The following ZMYND8 variants were observed in gnomAD, a reference collection of about 807,000 sequenced individuals.
The protein encoded by ZMYND8 is zinc finger MYND-type containing 8.
ZMYND8 carries 37 observed loss-of-function variants against 140.8 expected under a neutral mutation model. That is an observed-to-expected ratio of 0.26 (90% CI 0.20 to 0.35). ZMYND8 has a LOEUF of 0.35. Among genes scored for constraint, ZMYND8 ranks in the 10% least tolerant of loss-of-function variants. ZMYND8 has a pLI of 1.00. For synonymous variants in ZMYND8, 592 were observed against 597.1 expected (o/e 0.99, Z 0.12); for missense variants, 1,068 against 1,570.0 (o/e 0.68, Z 5.40).
At chr20:47,297,977 A>G (rs1286493984) in intron 4 of ZMYND8, among the ~76,000 whole-genome samples, 1 of 152,162 alleles carries the variant, frequency 6.6e-6, no homozygotes, top group Non-Finnish European at 1.5e-5. Context: ...GTTGTCCCCC[A>G]AATGGCTGCA....
In ZMYND8 at chr20:47,270,797, G is replaced by T. The variant is rs574459081; in HGVS notation, c.1480+5517C>A. On this transcript the variant is annotated intron_variant, in intron 11 of 22. Coordinates refer to ENST00000471951, the MANE Select transcript of ZMYND8 (RefSeq NM_001281775.3). Reference sequence around the variant, plus strand: ...GGTTCTCTTGAAAAAACAGAAATCGGCCGGGTGCAGTGTCTCACGCCTGTA... The same window carrying T: ...GGTTCTCTTGAAAAAACAGAAATCGTCCGGGTGCAGTGTCTCACGCCTGTA... Among the ~76,000 whole-genome samples, 9 of 151,804 alleles carry T rather than the reference G, an allele frequency of 5.9e-5. No homozygotes were observed. In the South Asian group the frequency reaches 8.3e-4, roughly 14 times the overall value.
At position 47,312,241 on chromosome 20, in the gene ZMYND8, G is replaced by A. The variant is rs565377217; in HGVS notation, c.86-2037C>T. ...ATTAACAGCATCCAACGTGGTCCAC[G>A]CAAGGCCTCCTAGTGGTTGACTTTC... On this transcript the variant is annotated intron_variant, in intron 2 of 22. Coordinates refer to ENST00000471951, the MANE Select transcript of ZMYND8 (RefSeq NM_001281775.3). 3.9e-4 allele frequency among the ~76,000 whole-genome samples: 60 copies of A among 152,316 alleles called. 2 individuals are homozygous for A. The South Asian group carries it at 0.012, about 30-fold the overall frequency.
intron 12 of ZMYND8, among the ~76,000 whole-genome samples, chr20:47,253,515 C>T (rs1371461445): frequency 7.4e-6 from 1 of 136,048 alleles, no homozygotes; most frequent in East Asian, 2.3e-4. Context: ...CCAGCCTGGG[C>T]AACAGAATGA....
intron 11 of ZMYND8, among the ~76,000 whole-genome samples, chr20:47,275,222 T>G (rs2076185215): frequency 6.6e-6 from 1 of 152,238 alleles, no homozygotes; most frequent in East Asian, 1.9e-4. Flanking sequence ...CCAGGCCCAG[T>G]GGCTCACACC....
intron 11 of ZMYND8, among the ~76,000 whole-genome samples, chr20:47,268,803 C>T (rs1169096304): frequency 6.6e-6 from 1 of 150,990 alleles, no homozygotes; most frequent in East Asian, 2.0e-4. Context: ...CAATGACAAC[C>T]AGATAAAACC....
At chr20:47,256,096 T>G (rs2147456758) in intron 12 of ZMYND8, among the ~76,000 whole-genome samples, 1 of 151,684 alleles carries the variant, frequency 6.6e-6, no homozygotes, top group Non-Finnish European at 1.5e-5. Flanking sequence ...GACAGATTTT[T>G]GTTCTAAAGC....
chr20:47,243,136 T>C (rs1042793029), intron 14 of ZMYND8, among the ~76,000 whole-genome samples: 7 of 152,242 alleles, frequency 4.6e-5, no homozygotes, highest in Non-Finnish European at 1.0e-4. Context: ...AAAAGCTGTT[T>C]TGCCATCTGA....
rs71183243 is a variant in ZMYND8, at chr20:47,356,333, GAAAA to G, written c.14+320_14+323del. ...GGGGAAGAGAGAGGGAAGAGGGAAAGAAAAAAAAAAAAAGAAGGAAAAAAAAAAG... is the reference window on the plus strand; with the variant it reads ...GGGGAAGAGAGAGGGAAGAGGGAAAGAAAAAAAAAGAAGGAAAAAAAAAAG... On this transcript the variant is annotated intron_variant, in intron 1 of 22. Transcript: ENST00000471951. 5.3e-5 allele frequency: 56 copies of G among 1,048,856 alleles called. No individual in the cohort carries two copies. In the Admixed American group the frequency reaches 1.4e-3, roughly 26 times the overall value. The allele number at this position is 1,048,856 out of a possible 1,614,324, so 65.0% of individuals were successfully genotyped here.
Position 47,262,354 on chromosome 20 carries a change from A to G in ZMYND8, c.1555T>C (p.Ser519Pro). Reference protein sequence around the residue: ...GSPKPFSPQLSAPITTKTDKT... With the variant: ...GSPKPFSPQLPAPITTKTDKT... ...TCCGTTTTCGTCGTGATAGGAGCTG[A>G]CAGTTGAGGAGAGAAGGGCTTTGGG... Residue 519 changes from serine to proline, a missense_variant, in exon 12 of 23, where the codon TCA becomes CCA. Transcript: ENST00000471951. 6.2e-7 allele frequency: 1 copy of G among 1,613,978 alleles called. No individual in the cohort carries two copies. Among genetic ancestry groups the G allele is most frequent in the Non-Finnish European group, 8.5e-7 (1 of 1,180,012 alleles).
At chr20:47,300,618 A>AG in intron 3 of ZMYND8, among the ~76,000 whole-genome samples, 1 of 152,336 alleles carries the variant, frequency 6.6e-6, no homozygotes, top group East Asian at 1.9e-4. Flanking sequence ...ATATACTTTA[A>AG]CACGACTTTT....
chr20:47,342,789 G>A (rs1213177199), intron 2 of ZMYND8, among the ~76,000 whole-genome samples: 2 of 149,378 alleles, frequency 1.3e-5, no homozygotes, highest in Admixed American at 6.7e-5. Flanking sequence ...GGAAGTCACA[G>A]TAAGCTGAGA....
chr20:47,238,597 T>G, intron 15 of ZMYND8, 161 bp downstream of exon 15: 1 of 1,358,144 alleles, frequency 7.4e-7, no homozygotes, highest in Non-Finnish European at 9.9e-7. Context: ...CAAAACAATT[T>G]TTAAAAATAA....
chr20:47,324,387 C>T (rs534035339), intron 2 of ZMYND8, among the ~76,000 whole-genome samples: 15 of 148,616 alleles, frequency 1.0e-4, no homozygotes, highest in Admixed American at 5.4e-4. Flanking sequence ...GGCATGGTGG[C>T]GGGTGCCTGT....
At chr20:47,331,149 C>A (rs1040016796) in intron 2 of ZMYND8, among the ~76,000 whole-genome samples, 6 of 152,214 alleles carry the variant, frequency 3.9e-5, no homozygotes, top group African/African-American at 1.4e-4. Context: ...GAGGCCAGCA[C>A]AGGAGGGTTT....
chr20:47,218,855 G>A (rs186291380), intron 21 of ZMYND8, among the ~76,000 whole-genome samples: 7 of 152,114 alleles, frequency 4.6e-5, no homozygotes, highest in African/African-American at 9.6e-5. Flanking sequence ...ACCGTTCCCA[G>A]CCCCTAACAA....
Position 47,298,266 on chromosome 20 carries a change from C to T in ZMYND8, c.453+463G>A. 1.0e-6 allele frequency: 1 copy of T among 985,240 alleles called. No homozygotes were observed. Among genetic ancestry groups the T allele is most frequent in the African/African-American group, 1.7e-5 (1 of 57,282 alleles). The allele number at this position is 985,240 out of a possible 1,614,324, so 61.0% of individuals were successfully genotyped here. A position where few individuals can be genotyped will look rare whatever the true frequency, so the allele number is the denominator to read the frequency against. ...AGGCACTCAAGAAATACTTGTTGCA[C>T]AAAAGAAAGCACCAGACGGCCACTA... On this transcript the variant is annotated intron_variant, in intron 4 of 22. Transcript: ENST00000471951. The surrounding 1 kb of genome is among the most constrained non-coding windows in gnomAD (Gnocchi z 5.0).
chr20:47,278,015 C>T (rs1251392004), intron 10 of ZMYND8, among the ~76,000 whole-genome samples: 1 of 151,970 alleles, frequency 6.6e-6, no homozygotes, highest in Non-Finnish European at 1.5e-5. Flanking sequence ...CTCTGTCACC[C>T]AAGCCAGAGA....
At chr20:47,269,814 G>A (rs1254554779) in intron 11 of ZMYND8, among the ~76,000 whole-genome samples, 1 of 152,238 alleles carries the variant, frequency 6.6e-6, no homozygotes, top group Non-Finnish European at 1.5e-5. Context: ...TGTTCAAAGT[G>A]CCGCACCTTG....
At chr20:47,239,249 C>A in intron 14 of ZMYND8, 111 bp from the exon 15 acceptor site, 1 of 1,361,948 alleles carries the variant, frequency 7.3e-7, no homozygotes, top group Non-Finnish European at 9.6e-7. Flanking sequence ...CCAGGAATGC[C>A]GAACCAATTC....
Sources: allele counts gnomAD v4.1 joint callset (sites outside exome capture counted in the v4.1 genomes callset), GRCh38; gene constraint gnomAD v4.1.1; non-coding constraint Gnocchi (gnomAD v3.1); transcripts MANE v1.5; gene names NCBI Gene and HGNC (gene_info 2026-07-23, HGNC 2026-07-21).